Variants in RNF216 observed in about 807,000 individuals in gnomAD.
The protein encoded by RNF216 is E3 ubiquitin-protein ligase RNF216.
Under a neutral mutation model 110.8 loss-of-function variants are expected in RNF216, and 72 were observed. That is an observed-to-expected ratio of 0.65 (90% CI 0.54 to 0.79). RNF216 has a LOEUF of 0.79. RNF216 is among the 30% of genes least tolerant of loss of function. The pLI is 0.00. For synonymous variants in RNF216, 495 were observed against 407.5 expected, an observed-to-expected ratio of 1.21 and a Z score of -2.59; for missense variants, 1,342 against 1,141.2, an observed-to-expected ratio of 1.18 and a Z score of -2.54.
At chr7:5,724,253 G>C (rs925582586) in intron 8 of RNF216, among the ~76,000 whole-genome samples, 1 of 152,160 alleles carries the variant, frequency 6.6e-6, no homozygotes, top group African/African-American at 2.4e-5. Context: ...GGCTGATGAA[G>C]GGACAACAGT....
At chr7:5,653,248 G>A (rs1010770496) in intron 13 of RNF216, among the ~76,000 whole-genome samples, 4 of 152,138 alleles carry the variant, frequency 2.6e-5, no homozygotes, top group African/African-American at 9.6e-5. Context: ...ATCCTTCATA[G>A]TTTATAAAAT....
At chr7:5,731,534 T>A (rs537574846) in intron 5 of RNF216, among the ~76,000 whole-genome samples, 1 of 151,186 alleles carries the variant, frequency 6.6e-6, no homozygotes. Flanking sequence ...ACCCAACACA[T>A]GTTAACTATC....
At chr7:5,754,140 G>C (rs986162204) in intron 2 of RNF216, among the ~76,000 whole-genome samples, 2 of 151,332 alleles carry the variant, frequency 1.3e-5, no homozygotes, top group African/African-American at 4.9e-5. Flanking sequence ...GTGTGTGTGT[G>C]TGTGTGTGTG....
intron 14 of RNF216, 72 bp from the exon 15 acceptor site, chr7:5,641,448 T>A (rs892912870): frequency 1.7e-6 from 2 of 1,211,648 alleles, no homozygotes; most frequent in Admixed American, 2.1e-5. Context: ...ATTAAGCATT[T>A]ATTTATTTTC....
chr7:5,660,943 G>GTTTTTTTTTGTTTTTTTTTTT (rs1470327757), intron 13 of RNF216, among the ~76,000 whole-genome samples: 71 of 90,164 alleles, frequency 7.9e-4, no homozygotes, highest in East Asian at 2.7e-3. Context: ...GAAGCCTTAG[G>GTTTTTTTTTGTTTTTTTTTTT]TTTTTTTTTT....
At chr7:5,763,955 G>A (rs562578599) in intron 1 of RNF216, among the ~76,000 whole-genome samples, 1 of 152,142 alleles carries the variant, frequency 6.6e-6, no homozygotes, top group African/African-American at 2.4e-5. Flanking sequence ...TTGGGAGGCC[G>A]AGGCAGGCGG....
At chr7:5,728,435 G>A (rs1008105105) in intron 7 of RNF216, among the ~76,000 whole-genome samples, 10 of 151,916 alleles carry the variant, frequency 6.6e-5, no homozygotes, top group Non-Finnish European at 1.0e-4. Context: ...CCAACCAGGC[G>A]CGGTGGTGAG....
At chr7:5,654,822 T>A (rs565416801) in intron 13 of RNF216, among the ~76,000 whole-genome samples, 2 of 147,884 alleles carry the variant, frequency 1.4e-5, no homozygotes, top group African/African-American at 4.9e-5. Flanking sequence ...CTCACCTACA[T>A]CCCATTCAGT....
intron 13 of RNF216, among the ~76,000 whole-genome samples, chr7:5,685,022 G>C (rs902537950): frequency 6.6e-6 from 1 of 152,142 alleles, no homozygotes; most frequent in African/African-American, 2.4e-5. Context: ...GGTGAAGAGA[G>C]TGCCCAGGAT....
chr7:5,660,249 G>A lies in RNF216; in HGVS notation c.2062-7739C>T, dbSNP rs555029179. 3.3e-4 allele frequency among the ~76,000 whole-genome samples: 43 copies of A among 130,940 alleles called. No homozygotes were observed. In the South Asian group the frequency reaches 7.9e-3, roughly 24 times the overall value. 85.9% of individuals were successfully genotyped at this position (130,940 alleles called of 152,430 possible). A position where few individuals can be genotyped will look rare whatever the true frequency, so the allele number is the denominator to read the frequency against. On this transcript the variant is annotated intron_variant, in intron 13 of 16. Coordinates refer to ENST00000389902, the MANE Select transcript of RNF216 (RefSeq NM_207111.4). The stretch of plus-strand genomic sequence containing the variant: ...ATTATAAATATGAGCCACAGAGCCC[G>A]GCCCTGTTTTAAATTCTTTTTTTTT...
intron 2 of RNF216, among the ~76,000 whole-genome samples, chr7:5,753,878 C>G (rs1389265215): frequency 6.6e-6 from 1 of 152,008 alleles, no homozygotes; most frequent in Non-Finnish European, 1.5e-5. Context: ...GCCTGTAATC[C>G]CAGCTATTCA....
chr7:5,688,598 ACC>A (rs1791130717), intron 13 of RNF216, among the ~76,000 whole-genome samples: 19 of 152,214 alleles, frequency 1.2e-4, no homozygotes, highest in Admixed American at 1.2e-3. Flanking sequence ...GCATGTATTT[ACC>A]AGCTTTATCC....
intron 1 of RNF216, among the ~76,000 whole-genome samples, chr7:5,768,346 T>TACATAC (rs71547789): frequency 1.4e-5 from 1 of 71,886 alleles, no homozygotes; most frequent in African/African-American, 5.0e-5. Context: ...GGCAGGCAAA[T>TACATAC]ACACACACAC....
chr7:5,649,408 A>G (rs1788249989), intron 14 of RNF216, among the ~76,000 whole-genome samples: 1 of 151,876 alleles, frequency 6.6e-6, no homozygotes, highest in Admixed American at 6.6e-5. Context: ...AGACAGAAAG[A>G]AAGGGAGGGA....
chr7:5,762,045 T>C (rs1371262338), intron 1 of RNF216, among the ~76,000 whole-genome samples: 1 of 152,150 alleles, frequency 6.6e-6, no homozygotes, highest in African/African-American at 2.4e-5. Context: ...CGGACAGGGA[T>C]GGTCATTATA....
intron 1 of RNF216, among the ~76,000 whole-genome samples, chr7:5,765,861 C>T (rs187281853): frequency 5.0e-4 from 73 of 146,962 alleles, no homozygotes; most frequent in Admixed American, 1.5e-3. Flanking sequence ...GAGGCTGAGG[C>T]AGAATTGCTT....
chr7:5,759,933 G>C (rs955188008), intron 2 of RNF216, among the ~76,000 whole-genome samples: 1 of 151,860 alleles, frequency 6.6e-6, no homozygotes, highest in East Asian at 1.9e-4. Flanking sequence ...GCCTGGCCTG[G>C]GGGAGTCATT....
chr7:5,747,376 G>C (rs73341666), intron 3 of RNF216, among the ~76,000 whole-genome samples: 9,392 of 152,224 alleles, frequency 0.062, 978 homozygotes, highest in African/African-American at 0.22. Context: ...ACGGATAAAA[G>C]CAGCAGAAGC....
intron 3 of RNF216, among the ~76,000 whole-genome samples, chr7:5,747,352 G>C (rs1795080713): frequency 6.6e-6 from 1 of 152,192 alleles, no homozygotes; most frequent in South Asian, 2.1e-4. Context: ...CCAGGGGAAG[G>C]AGAGGGAGTA....
Sources: gnomAD v4.1 joint callset for allele counts (sites outside exome capture counted in the v4.1 genomes callset) on GRCh38, gnomAD v4.1.1 for gene constraint, MANE v1.5 for transcripts, NCBI Gene and HGNC (gene_info 2026-07-23, HGNC 2026-07-21) for gene names.